Variants in COL1A1 observed in about 807,000 individuals in gnomAD.
COL1A1 encodes collagen alpha-1(I) chain.
Under a neutral mutation model 195.7 loss-of-function variants are expected in COL1A1, and 21 were observed. That is an observed-to-expected ratio of 0.11 (90% CI 0.08 to 0.15). The LOEUF is 0.15. Among genes scored for constraint, COL1A1 ranks in the 10% least tolerant of loss-of-function variants. The pLI is 1.00. For synonymous variants in COL1A1, 749 were observed against 747.3 expected, an observed-to-expected ratio of 1.00 and a Z score of -0.04; for missense variants, 1,365 against 2,051.0, an observed-to-expected ratio of 0.67 and a Z score of 6.46.
At position 50,194,479 on chromosome 17, in the gene COL1A1, G is replaced by T. The variant is rs1567759759; in HGVS notation, c.1516-32C>A. 6.2e-7 allele frequency: 1 copy of T among 1,613,334 alleles called. No homozygotes were observed. The highest frequency in any genetic ancestry group is 2.2e-5 in the East Asian group (1 of 44,860). On this transcript the variant is annotated intron_variant, in intron 22 of 50. Transcript: ENST00000225964. This position sits in a 1 kb window ranked among gnomAD's most constrained non-coding sequence, Gnocchi z 6.8. ...GGGGGAAGTCACAGGAACAGTTAGGGTCTCAAGTTTGTGGCTCTTTGCCAC... is the reference window on the plus strand; with the variant it reads ...GGGGGAAGTCACAGGAACAGTTAGGTTCTCAAGTTTGTGGCTCTTTGCCAC...
At position 50,186,699 on chromosome 17, in the gene COL1A1, C is replaced by G. The variant is rs371904584; in HGVS notation, c.3755G>C (p.Arg1252Pro). 2 of 1,613,520 alleles carry G rather than the reference C, an allele frequency of 1.2e-6. No homozygotes were observed. The highest frequency in any genetic ancestry group is 1.7e-6 in the Non-Finnish European group (2 of 1,180,016). Residue 1252 changes from arginine (R) to proline (P), a missense_variant, in exon 48 of 51, where the codon CGC (arginine) becomes CCC (proline). This residue lies in a region of COL1A1 where 273 missense variants were observed against 338.6 expected (regional missense o/e 0.81). Transcript: ENST00000225964. This position sits in a 1 kb window ranked among gnomAD's most constrained non-coding sequence, Gnocchi z 5.3. ...IENIRSPEGSRKNPARTCRDL... is the reference protein window; with the variant it reads ...IENIRSPEGSPKNPARTCRDL... ...ACGGCAGGTGCGGGCGGGGTTCTTGCGGCTGCCCTCTGGGCTCCGGATGTT... is the reference window on the plus strand; with the variant it reads ...ACGGCAGGTGCGGGCGGGGTTCTTGGGGCTGCCCTCTGGGCTCCGGATGTT...
rs1309328402 is a variant in COL1A1, at chr17:50,186,996, G to T, written c.3531+19C>A. 1 of 1,611,834 alleles carries T rather than the reference G, an allele frequency of 6.2e-7. No homozygotes were observed. Among genetic ancestry groups the T allele is most frequent in the African/African-American group, 1.3e-5 (1 of 74,876 alleles). On this transcript the variant is annotated intron_variant, in intron 47 of 50. Transcript: ENST00000225964. This position sits in a 1 kb window ranked among gnomAD's most constrained non-coding sequence, Gnocchi z 5.3. ...GGGGGCTGGAGGGCCATGAGCAGAG[G>T]GGATGAGGGGCTACATACAACAGGA...
chr17:50,201,100 C>T (rs1315228531), intron 1 of COL1A1, among the ~76,000 whole-genome samples: 2 of 152,370 alleles, frequency 1.3e-5, no homozygotes, highest in East Asian at 3.9e-4. Flanking sequence ...GCGCCCCCAT[C>T]CCATCTTCGA....
At chr17:50,196,791 T>C (rs1907631691) in intron 11 of COL1A1, 121 bp from the exon 12 acceptor site, 1 of 1,242,272 alleles carries the variant, frequency 8.0e-7, no homozygotes, top group Non-Finnish European at 1.2e-6. Flanking sequence ...GTTTCTGAGC[T>C]AGACTAAACC....
rs547798347 is a variant in COL1A1, at chr17:50,188,561, G to A, written c.3176C>T (p.Pro1059Leu). The A allele has an allele frequency of 2.0e-5, 33 of 1,613,956 alleles. No homozygotes were observed. The highest frequency in any genetic ancestry group is 2.8e-5 in the Non-Finnish European group (33 of 1,180,008). ...GAPGAPGPVG[P>L]AGKSGDRGET... ...ACCACGATCACCACTCTTGCCAGCA[G>A]GGCCAACGGGGCCAGGGGCACCAGG... The change falls in exon 43 of 51, where the codon CCT becomes CTT. Residue 1059 changes from proline to leucine, a missense_variant. By Grantham distance (98) the Pro-to-Leu change is moderately conservative. Transcript: ENST00000225964. The surrounding 1 kb of genome is among the most constrained non-coding windows in gnomAD (Gnocchi z 5.6).
chr17:50,194,303 G>T lies in COL1A1; in HGVS notation c.1614+46C>A. 1.9e-6 allele frequency: 3 copies of T among 1,606,004 alleles called. No individual in the cohort carries two copies. Among genetic ancestry groups the T allele is most frequent in the Non-Finnish European group, 2.6e-6 (3 of 1,172,920 alleles). On this transcript the variant is annotated intron_variant, in intron 23 of 50. Transcript: ENST00000225964. The surrounding 1 kb of genome is among the most constrained non-coding windows in gnomAD (Gnocchi z 6.8). ...ACGCCTCATCCCAGACCCTACACGG[G>T]ATGGTCAGGGCCTGGCCAAGCCAGG...
intron 8 of COL1A1, 26 bp from the exon 9 acceptor site, chr17:50,197,811 G>A: frequency 6.2e-7 from 1 of 1,605,532 alleles, no homozygotes; most frequent in South Asian, 1.1e-5. Flanking sequence ...GAGGTGGTTA[G>A]AATATGGATA....
At chr17:50,187,313 A>G (rs1906641502) in intron 46 of COL1A1, among the ~76,000 whole-genome samples, 171 bp downstream of exon 46, 1 of 152,230 alleles carries the variant, frequency 6.6e-6, no homozygotes, top group Non-Finnish European at 1.5e-5. Flanking sequence ...TGGGGAGCAG[A>G]GAGGCCAAAG....
chr17:50,195,273 G>A lies in COL1A1; in HGVS notation c.1258C>T (p.Pro420Ser), dbSNP rs558332963. 3 of 1,613,642 alleles carry A rather than the reference G, an allele frequency of 1.9e-6. No individual in the cohort carries two copies. Among genetic ancestry groups the A allele is most frequent in the African/African-American group, 2.7e-5 (2 of 74,972 alleles). ...CCAGGAGGGCCGCCGGGGCCCTGGG[G>A]TCCAGAGGGGCCTCGGGCACCAGGG... is the stretch of plus-strand genomic sequence containing the variant. ...GFPGARGPSG[P>S]QGPGGPPGPK... The change falls in exon 19 of 51, where the codon CCC (proline) becomes TCC (serine). Residue 420 changes from proline to serine, a missense_variant. By Grantham distance (74) the Pro-to-Ser change is moderately conservative. Coordinates refer to ENST00000225964, the MANE Select transcript of COL1A1 (RefSeq NM_000088.4). The surrounding 1 kb of genome is among the most constrained non-coding windows in gnomAD (Gnocchi z 4.3).
intron 5 of COL1A1, among the ~76,000 whole-genome samples, chr17:50,198,946 A>C (rs1470031255): frequency 2.6e-5 from 4 of 152,108 alleles, no homozygotes; most frequent in Non-Finnish European, 5.9e-5. Flanking sequence ...AGTTAAGAGA[A>C]TGCTCTTGTT....
Position 50,186,015 on chromosome 17 carries a change from C to T in COL1A1, c.4011G>A (p.Glu1337=). 4 of 1,613,214 alleles carry T rather than the reference C, an allele frequency of 2.5e-6. No individual in the cohort carries two copies. Among genetic ancestry groups the T allele is most frequent in the Non-Finnish European group, 2.5e-6 (3 of 1,179,992 alleles). The change falls in exon 50 of 51, where the codon GAG becomes GAA. Residue 1337 remains glutamate (E), a synonymous_variant. Coordinates refer to ENST00000225964, the MANE Select transcript of COL1A1 (RefSeq NM_000088.4). This position sits in a 1 kb window ranked among gnomAD's most constrained non-coding sequence, Gnocchi z 5.3. ...CAGGGTCGGAGCCCTGGCCGCCATA[C>T]TCGAACTGCAGGGGAGGGGAGAGAG... ...GESMTDGFQF[E]YGGQGSDPAD... is the part of the protein sequence containing the mutation.
rs769282969 is a variant in COL1A1 at position 50,189,553 on chromosome 17, G to A, written c.2668-15C>T. 2 of 1,613,572 alleles carry A rather than the reference G, an allele frequency of 1.2e-6. No homozygotes were observed. The highest frequency in any genetic ancestry group is 1.7e-6 in the Non-Finnish European group (2 of 1,179,886). On this transcript the variant is annotated splice_polypyrimidine_tract_variant and intron_variant, in intron 38 of 50. Transcript: ENST00000225964. The surrounding 1 kb of genome is among the most constrained non-coding windows in gnomAD (Gnocchi z 5.5). ...CCAGCATTTCCCTGGATGAGGATAG[G>A]AGGGGCTGTCAGACTCCAGGGGGCT...
At chr17:50,198,591 A>C (rs1907806359) in intron 5 of COL1A1, 87 bp from the exon 6 acceptor site, 1 of 1,030,504 alleles carries the variant, frequency 9.7e-7, no homozygotes, top group Non-Finnish European at 1.5e-6. Context: ...GACATCATGC[A>C]CTTCCTGGTG....
Position 50,189,991 on chromosome 17 carries a change from A to G in COL1A1, c.2559+10T>C. The G allele has an allele frequency of 6.2e-7, 1 of 1,611,022 alleles. No homozygotes were observed. Among genetic ancestry groups the G allele is most frequent in the Non-Finnish European group, 8.5e-7 (1 of 1,178,684 alleles). ...CCAGCCTCGTGGGCACAGAGGGCCAAGCCACTCACAATGGGGCCAGGGGGT... is the reference window on the plus strand; with the variant it reads ...CCAGCCTCGTGGGCACAGAGGGCCAGGCCACTCACAATGGGGCCAGGGGGT... On this transcript the variant is annotated intron_variant, in intron 36 of 50. Transcript: ENST00000225964. This position sits in a 1 kb window ranked among gnomAD's most constrained non-coding sequence, Gnocchi z 5.5.
At chr17:50,198,832 TTGGGG>T (rs1221917866) in intron 5 of COL1A1, 3 of 426,766 alleles carry the variant, frequency 7.0e-6, no homozygotes, top group Non-Finnish European at 8.7e-6. Flanking sequence ...GGATCCCAGA[TTGGGG>T]TGGTGGGGGG....
chr17:50,187,379 G>T, intron 46 of COL1A1, 105 bp downstream of exon 46: 1 of 1,185,578 alleles, frequency 8.4e-7, no homozygotes, highest in Non-Finnish European at 1.2e-6. Context: ...CCCTGTCCCT[G>T]AACCCTTCTC....
chr17:50,189,542 G>A lies in COL1A1; in HGVS notation c.2668-4C>T. ...GGCCAGGGGGTCCAGCATTTCCCTG[G>A]ATGAGGATAGGAGGGGCTGTCAGAC... is the stretch of plus-strand genomic sequence containing the variant. On this transcript the variant is annotated splice_region_variant and splice_polypyrimidine_tract_variant and intron_variant, in intron 38 of 50. Transcript: ENST00000225964. This position sits in a 1 kb window ranked among gnomAD's most constrained non-coding sequence, Gnocchi z 5.5. 6.2e-7 allele frequency: 1 copy of A among 1,612,424 alleles called. No individual in the cohort carries two copies. Among genetic ancestry groups the A allele is most frequent in the East Asian group, 2.2e-5 (1 of 44,678 alleles).
chr17:50,198,308 T>C, intron 6 of COL1A1, 103 bp from the exon 7 acceptor site: 3 of 1,554,370 alleles, frequency 1.9e-6, no homozygotes, highest in Non-Finnish European at 2.7e-6. Flanking sequence ...TCCTGCATCC[T>C]TTCTGGACTC....
chr17:50,201,538 C>G lies in COL1A1; in HGVS notation c.-25G>C. 6.3e-7 allele frequency: 1 copy of G among 1,596,070 alleles called. No individual in the cohort carries two copies. The highest frequency in any genetic ancestry group is 8.5e-7 in the Non-Finnish European group (1 of 1,171,698). ...TGTCTAGACCCTAGACATGTAGACT[C>G]TTTGTGGCTGGGGAGGGGGTTAGCG... On this transcript the variant is annotated 5_prime_UTR_variant, in exon 1 of 51. Coordinates refer to ENST00000225964, the MANE Select transcript of COL1A1 (RefSeq NM_000088.4).
Sources: allele counts gnomAD v4.1 joint callset (sites outside exome capture counted in the v4.1 genomes callset), GRCh38; gene constraint gnomAD v4.1.1; regional missense constraint gnomAD v4.1.1; non-coding constraint Gnocchi (gnomAD v3.1); transcripts MANE v1.5; gene names NCBI Gene and HGNC (gene_info 2026-07-23, HGNC 2026-07-21).